TMC1: variants seen among roughly 807,000 people sequenced by gnomAD.
TMC1 encodes transmembrane channel-like protein 1.
Under a neutral mutation model 105.8 loss-of-function variants are expected in TMC1, and 84 were observed. That is an observed-to-expected ratio of 0.79 (90% CI 0.67 to 0.95). The LOEUF (loss-of-function observed/expected upper bound fraction) is 0.95, where lower values mean the gene tolerates loss of function less well. TMC1 is among the 40% of genes least tolerant of loss of function. The pLI is 0.00. For synonymous variants in TMC1, 315 were observed against 311.5 expected, an observed-to-expected ratio of 1.01 and a Z score of -0.12; for missense variants, 817 against 914.1, an observed-to-expected ratio of 0.89 and a Z score of 1.37.
At chr9:72,564,571 C>G (rs1824115158) in intron 1 of TMC1, among the ~76,000 whole-genome samples, 1 of 152,180 alleles carries the variant, frequency 6.6e-6, no homozygotes, top group South Asian at 2.1e-4. Flanking sequence ...ATGTGCCTGA[C>G]AGATTACCCT....
intron 23 of TMC1, 38 bp from the exon 24 acceptor site, chr9:72,835,913 T>C (rs1829115334): frequency 1.3e-6 from 2 of 1,555,814 alleles, no homozygotes; most frequent in East Asian, 4.5e-5. Context: ...CTCTCTCTCC[T>C]TGTTTTTTTT....
chr9:72,750,640 C>T (rs943835979), intron 10 of TMC1, among the ~76,000 whole-genome samples: 4 of 152,046 alleles, frequency 2.6e-5, no homozygotes, highest in African/African-American at 7.2e-5. Context: ...TGCCTATTGC[C>T]TATTCATTCC....
chr9:72,614,192 T>C (rs1825083670), intron 2 of TMC1, among the ~76,000 whole-genome samples: 1 of 152,202 alleles, frequency 6.6e-6, no homozygotes, highest in African/African-American at 2.4e-5. Context: ...ACATTGTTTG[T>C]TTGTGTCCAG....
intron 4 of TMC1, among the ~76,000 whole-genome samples, chr9:72,644,578 C>T (rs1476504499): frequency 6.6e-6 from 1 of 152,002 alleles, no homozygotes; most frequent in African/African-American, 2.4e-5. Flanking sequence ...ATGTGTGAGT[C>T]TATTTCTGAA....
chr9:72,591,673 C>A (rs1824641094), intron 2 of TMC1, among the ~76,000 whole-genome samples: 1 of 152,198 alleles, frequency 6.6e-6, no homozygotes, highest in Non-Finnish European at 1.5e-5. Context: ...TAGGCTCAAG[C>A]AATCCTGCCA....
At chr9:72,743,578 A>G (rs1285339693) in intron 10 of TMC1, among the ~76,000 whole-genome samples, 26 of 149,374 alleles carry the variant, frequency 1.7e-4, no homozygotes, top group Middle Eastern at 3.5e-3. Context: ...AAAAAAAAAA[A>G]AAAGAAAGAA....
At chr9:72,751,172 G>T (rs1724754628) in intron 10 of TMC1, among the ~76,000 whole-genome samples, 1 of 151,866 alleles carries the variant, frequency 6.6e-6, no homozygotes, top group African/African-American at 2.4e-5. Context: ...TTACATATTT[G>T]TTGTATCCAT....
At chr9:72,619,363 TAGAAG>T (rs1289284282) in intron 3 of TMC1, among the ~76,000 whole-genome samples, 1 of 152,312 alleles carries the variant, frequency 6.6e-6, no homozygotes, top group East Asian at 1.9e-4. Flanking sequence ...TTAAACCTTG[TAGAAG>T]AGAAGTTTAT....
intron 6 of TMC1, among the ~76,000 whole-genome samples, chr9:72,689,939 C>A (rs1049748531): frequency 6.6e-6 from 1 of 151,898 alleles, no homozygotes; most frequent in Non-Finnish European, 1.5e-5. Context: ...GAAGTTCAAT[C>A]CACTTAAATT....
At chr9:72,682,286 TATC>T (rs1188357753) in intron 5 of TMC1, among the ~76,000 whole-genome samples, 1 of 152,148 alleles carries the variant, frequency 6.6e-6, no homozygotes, top group Non-Finnish European at 1.5e-5. Flanking sequence ...ACAGAAGAAA[TATC>T]AGCCTACGTC....
At chr9:72,806,380 C>T (rs1401009569) in intron 18 of TMC1, among the ~76,000 whole-genome samples, 2 of 140,896 alleles carry the variant, frequency 1.4e-5, no homozygotes, top group African/African-American at 5.3e-5. Flanking sequence ...CCGGACGGGG[C>T]GGCTGGCCGG....
chr9:72,823,343 C>A (rs1051283559), intron 20 of TMC1, among the ~76,000 whole-genome samples: 2 of 152,054 alleles, frequency 1.3e-5, no homozygotes, highest in African/African-American at 4.8e-5. Flanking sequence ...TCTTTATGAA[C>A]CCCAAGTTTT....
At chr9:72,572,100 T>C (rs1030776653) in intron 1 of TMC1, among the ~76,000 whole-genome samples, 1 of 152,040 alleles carries the variant, frequency 6.6e-6, no homozygotes, top group African/African-American at 2.4e-5. Context: ...CCTCCCAAAG[T>C]GCTGGGATTA....
intron 2 of TMC1, among the ~76,000 whole-genome samples, chr9:72,613,506 G>A (rs1347414002): frequency 1.3e-5 from 2 of 151,912 alleles, no homozygotes; most frequent in African/African-American, 4.8e-5. Flanking sequence ...TAGTCTTTTT[G>A]CCCCCTGATT....
chr9:72,644,808 C>T (rs146430301), intron 4 of TMC1, among the ~76,000 whole-genome samples: 1 of 152,044 alleles, frequency 6.6e-6, no homozygotes, highest in Admixed American at 6.6e-5. Context: ...TTTCAAAATT[C>T]TTTTGCATCA....
In TMC1 at chr9:72,688,768, T is replaced by C. The variant is rs1447391652; in HGVS notation, c.64+12T>C. 3 of 1,603,788 alleles carry C rather than the reference T, an allele frequency of 1.9e-6. No homozygotes were observed. The highest frequency in any genetic ancestry group is 1.7e-6 in the Non-Finnish European group (2 of 1,171,940). On this transcript the variant is annotated intron_variant, in intron 6 of 23. Coordinates refer to ENST00000297784, the MANE Select transcript of TMC1 (RefSeq NM_138691.3). ...TGAGGAAAGCTCAAGTAAGTGGTGA[T>C]GGGCCACTTGGGATACATTTCCTAT...
chr9:72,755,692 T>A (rs1379410574), intron 12 of TMC1, among the ~76,000 whole-genome samples: 1 of 152,174 alleles, frequency 6.6e-6, no homozygotes, highest in Non-Finnish European at 1.5e-5. Flanking sequence ...AGTAGCCAGG[T>A]TGAAATTGAG....
At chr9:72,750,454 G>A (rs1392168492) in intron 10 of TMC1, among the ~76,000 whole-genome samples, 1 of 152,200 alleles carries the variant, frequency 6.6e-6, no homozygotes, top group African/African-American at 2.4e-5. Flanking sequence ...GACCGTCAAA[G>A]AAACTTTTGC....
intron 4 of TMC1, among the ~76,000 whole-genome samples, chr9:72,644,527 A>T (rs1329608560): frequency 1.3e-5 from 2 of 152,042 alleles, no homozygotes; most frequent in East Asian, 3.9e-4. Flanking sequence ...TTTCTCCATT[A>T]AATTGTCTTT....
Sources: allele counts gnomAD v4.1 joint callset (sites outside exome capture counted in the v4.1 genomes callset), GRCh38; gene constraint gnomAD v4.1.1; transcripts MANE v1.5; gene names NCBI Gene and HGNC (gene_info 2026-07-23, HGNC 2026-07-21).